The following BNC2 variants were observed in gnomAD, a reference collection of about 807,000 sequenced individuals.
BNC2 encodes basonuclin zinc finger protein 2.
In BNC2, 20 loss-of-function variants were observed where a neutral mutation model predicts 76.3. The observed-to-expected ratio is 0.26, with a 90% confidence interval of 0.18 to 0.38. The LOEUF (loss-of-function observed/expected upper bound fraction) is 0.38. Ranked by LOEUF, BNC2 falls within the 10% of genes least tolerant of loss-of-function variation. The pLI, the probability that BNC2 is intolerant of heterozygous loss-of-function variation, is 1.00. For synonymous variants in BNC2, 582 were observed against 514.8 expected, an observed-to-expected ratio of 1.13 and a Z score of -1.77; for missense variants, 1,382 against 1,399.8, an observed-to-expected ratio of 0.99 and a Z score of 0.20.
intron 3 of BNC2, among the ~76,000 whole-genome samples, chr9:16,667,023 T>C (rs527948099): frequency 1.2e-3 from 179 of 152,160 alleles, no homozygotes; most frequent in Non-Finnish European, 1.7e-3. Context: ...AGGCTTCCTA[T>C]TTCCACTAAA....
chr9:16,535,551 T>C (rs980064783), intron 5 of BNC2, among the ~76,000 whole-genome samples: 3 of 152,124 alleles, frequency 2.0e-5, no homozygotes, highest in Non-Finnish European at 4.4e-5. Context: ...CTCCCTGCCA[T>C]TACTCTTAAA....
At position 16,524,501 on chromosome 9, in the gene BNC2, T is replaced by G. The variant is rs28418961; in HGVS notation, c.669+28029A>C. On this transcript the variant is annotated intron_variant, in intron 5 of 6. Coordinates refer to ENST00000380672, the MANE Select transcript of BNC2 (RefSeq NM_017637.6). ...CCTGTTTCCATTTCCTGTTTTTTTTTGGGGGGTGATTTCTTATTCTAAATA... is the reference window on the plus strand; with the variant it reads ...CCTGTTTCCATTTCCTGTTTTTTTTGGGGGGGTGATTTCTTATTCTAAATA... 4.6e-3 allele frequency among the ~76,000 whole-genome samples: 705 copies of G among 152,062 alleles called. 4 individuals are homozygous for G. The highest frequency in any genetic ancestry group is 0.011 in the South Asian group (54 of 4,808).
intron 3 of BNC2, among the ~76,000 whole-genome samples, chr9:16,606,785 T>A (rs1280008017): frequency 6.6e-6 from 1 of 152,180 alleles, no homozygotes; most frequent in Non-Finnish European, 1.5e-5. Flanking sequence ...CTCAAACACC[T>A]GACTTCAGGT....
chr9:16,622,481 T>C (rs947760349), intron 3 of BNC2, among the ~76,000 whole-genome samples: 10 of 152,208 alleles, frequency 6.6e-5, no homozygotes, highest in African/African-American at 2.2e-4. Context: ...TTGCTTGTTT[T>C]GTGAATTCAA....
chr9:16,533,302 G>GT, intron 5 of BNC2, among the ~76,000 whole-genome samples: 1 of 152,136 alleles, frequency 6.6e-6, no homozygotes, highest in East Asian at 1.9e-4. Context: ...CAAAGATTAA[G>GT]TATCAGGCAC....
At chr9:16,732,456 GTACTC>G (rs1166713185) in intron 2 of BNC2, among the ~76,000 whole-genome samples, 1 of 152,134 alleles carries the variant, frequency 6.6e-6, no homozygotes, top group Non-Finnish European at 1.5e-5. Context: ...CACTGAGAAA[GTACTC>G]TAGGATTTTT....
At chr9:16,507,366 T>C (rs1359513646) in intron 5 of BNC2, among the ~76,000 whole-genome samples, 1 of 150,124 alleles carries the variant, frequency 6.7e-6, no homozygotes, top group Non-Finnish European at 1.5e-5. Flanking sequence ...TTCAAACGAT[T>C]CTCCTGCCTC....
chr9:16,684,679 AG>A lies in BNC2; in HGVS notation c.330+43117del, dbSNP rs150546517. 4.9e-3 allele frequency among the ~76,000 whole-genome samples: 749 copies of A among 152,276 alleles called. 12 individuals are homozygous for A. The highest frequency in any genetic ancestry group is 0.017 in the African/African-American group (708 of 41,560). ...GCCAAATGGAGGTCCTAAAAAAAAA[AG>A]TATGAGTTTCCTCATGCTAGGGAGT... On this transcript the variant is annotated intron_variant, in intron 3 of 6. Coordinates refer to ENST00000380672, the MANE Select transcript of BNC2 (RefSeq NM_017637.6).
intron 5 of BNC2, among the ~76,000 whole-genome samples, chr9:16,546,964 C>A (rs1818503271): frequency 6.6e-6 from 1 of 152,176 alleles, no homozygotes; most frequent in South Asian, 2.1e-4. Flanking sequence ...GGTGCTGGTG[C>A]TGGGAAGCGA....
At position 16,741,992 on chromosome 9, in the gene BNC2, T is replaced by C. The variant is rs1056594997; in HGVS notation, c.4-3507A>G. 3.8e-3 allele frequency among the ~76,000 whole-genome samples: 560 copies of C among 147,290 alleles called. 5 individuals are homozygous for C. Among genetic ancestry groups the C allele is most frequent in the Non-Finnish European group, 5.8e-3 (390 of 66,918 alleles). The stretch of plus-strand genomic sequence containing the variant: ...AAAAAAAAAAAAAGACAACAACACG[T>C]ATACCTTGATGGGCAATAGTATGAT... On this transcript the variant is annotated intron_variant, in intron 1 of 6. Transcript: ENST00000380672.
At chr9:16,585,569 G>C (rs1819744932) in intron 3 of BNC2, among the ~76,000 whole-genome samples, 1 of 152,058 alleles carries the variant, frequency 6.6e-6, no homozygotes, top group Non-Finnish European at 1.5e-5. Context: ...TAAATATTTT[G>C]AGTAAGAGAC....
intron 3 of BNC2, among the ~76,000 whole-genome samples, chr9:16,698,397 A>T (rs2134525712): frequency 6.6e-6 from 1 of 152,338 alleles, no homozygotes; most frequent in South Asian, 2.1e-4. Context: ...ATCCATTAAA[A>T]GTCATGATGA....
chr9:16,432,554 T>C (rs977792925), intron 6 of BNC2, among the ~76,000 whole-genome samples: 1 of 152,188 alleles, frequency 6.6e-6, no homozygotes, highest in Non-Finnish European at 1.5e-5. Flanking sequence ...CATGAAGAAG[T>C]CTGCTTTCGT....
At chr9:16,531,378 C>T (rs967511615) in intron 5 of BNC2, among the ~76,000 whole-genome samples, 11 of 149,024 alleles carry the variant, frequency 7.4e-5, no homozygotes, top group African/African-American at 2.0e-4. Context: ...CTGTTTGAGA[C>T]GATGTTTCTG....
chr9:16,530,106 G>A (rs10962475), intron 5 of BNC2, among the ~76,000 whole-genome samples: 6,056 of 151,820 alleles, frequency 0.04, 241 homozygotes, highest in East Asian at 0.18. Flanking sequence ...TGCCTACTTC[G>A]GCCTCCCAAA....
At position 16,744,773 on chromosome 9, in the gene BNC2, T is replaced by C. The variant is rs115010785; in HGVS notation, c.4-6288A>G. On this transcript the variant is annotated intron_variant, in intron 1 of 6. Coordinates refer to ENST00000380672, the MANE Select transcript of BNC2 (RefSeq NM_017637.6). Reference sequence around the variant, plus strand: ...GAAATATAAACTCCCTGTGAAATTTTTACACTGGTCTCACTGAGCTTTATC... The same window carrying C: ...GAAATATAAACTCCCTGTGAAATTTCTACACTGGTCTCACTGAGCTTTATC... 5.1e-3 allele frequency among the ~76,000 whole-genome samples: 776 copies of C among 152,334 alleles called. 2 individuals are homozygous for C. The highest frequency in any genetic ancestry group is 0.017 in the African/African-American group (698 of 41,570).
intron 3 of BNC2, among the ~76,000 whole-genome samples, chr9:16,678,261 C>CTTTT (rs1587306864): frequency 1.3e-5 from 1 of 75,886 alleles, no homozygotes; most frequent in Non-Finnish European, 2.6e-5. Context: ...TGTTTTCTTT[C>CTTTT]TTTTTCTTTT....
rs961524872 is a variant in BNC2, at chr9:16,597,527, CA to C, written c.331-14443del. ...TTTATAATGCATATGTATAGCCAGA[CA>C]AAAAAAACGCTGGCTGCCCTTTTGA... On this transcript the variant is annotated intron_variant, in intron 3 of 6. Transcript: ENST00000380672. Among the ~76,000 whole-genome samples the C allele has an allele frequency of 5.3e-5, 8 of 151,238 alleles. No individual in the cohort carries two copies. The East Asian group carries it at 1.4e-3, about 26-fold the overall frequency.
intron 5 of BNC2, among the ~76,000 whole-genome samples, chr9:16,524,947 C>T (rs1817748626): frequency 6.6e-6 from 1 of 151,960 alleles, no homozygotes; most frequent in East Asian, 1.9e-4. Flanking sequence ...GGTGGCACCA[C>T]CTGCAGTCCT....
Sources: gnomAD v4.1 joint callset for allele counts (sites outside exome capture counted in the v4.1 genomes callset) on GRCh38, gnomAD v4.1.1 for gene constraint, MANE v1.5 for transcripts, NCBI Gene and HGNC (gene_info 2026-07-23, HGNC 2026-07-21) for gene names.